Variants in CMIP observed in about 807,000 individuals in gnomAD.
CMIP encodes the protein c-Maf inducing protein.
In CMIP, 13 loss-of-function variants were observed where a neutral mutation model predicts 97.3. The observed-to-expected ratio is 0.13, with a 90% CI of 0.09 to 0.21. The LOEUF is 0.21. Ranked by LOEUF, CMIP falls within the 10% of genes least tolerant of loss-of-function variation. The pLI, the probability that CMIP is intolerant of heterozygous loss-of-function variation, is 1.00. For synonymous variants in CMIP, 538 were observed against 436.3 expected, an observed-to-expected ratio of 1.23 and a Z score of -2.91; for missense variants, 847 against 1,024.9, an observed-to-expected ratio of 0.83 and a Z score of 2.37.
intron 1 of CMIP, among the ~76,000 whole-genome samples, chr16:81,513,012 C>T (rs926892868): frequency 3.9e-5 from 6 of 152,246 alleles, no homozygotes; most frequent in East Asian, 1.9e-4. Context: ...GCTGGGATTA[C>T]AGGCGTGAGC....
intron 5 of CMIP, among the ~76,000 whole-genome samples, chr16:81,658,159 A>G (rs2092506423): frequency 6.6e-6 from 1 of 152,250 alleles, no homozygotes; most frequent in Non-Finnish European, 1.5e-5. Flanking sequence ...TGAAAGGTAA[A>G]CGTTCTCTTT....
chr16:81,570,066 C>A (rs1027805277), intron 1 of CMIP, among the ~76,000 whole-genome samples: 1 of 152,250 alleles, frequency 6.6e-6, no homozygotes, highest in South Asian at 2.1e-4. Context: ...TTTTCCCTCT[C>A]TCCCTTGGAG....
chr16:81,472,503 C>T lies in CMIP; in HGVS notation c.300+26962C>T, dbSNP rs190184759. Among the ~76,000 whole-genome samples the T allele has an allele frequency of 9.2e-5, 14 of 152,330 alleles. No individual in the cohort carries two copies. In the East Asian group the frequency reaches 2.5e-3, roughly 27 times the overall value. On this transcript the variant is annotated intron_variant, in intron 1 of 20. Coordinates refer to ENST00000537098, the MANE Select transcript of CMIP (RefSeq NM_198390.3). ...TGGGTCTTGTAGGCACTGATCACAG[C>T]CACTCACTTGACACCGTTGAGTGTC... is the stretch of plus-strand genomic sequence containing the variant.
intron 1 of CMIP, among the ~76,000 whole-genome samples, chr16:81,503,582 C>T (rs2089651217): frequency 1.3e-5 from 2 of 152,134 alleles, no homozygotes; most frequent in East Asian, 1.9e-4. Flanking sequence ...TTTTTTTGTA[C>T]AGACAGGTCT....
At chr16:81,486,886 C>T (rs2089322483) in intron 1 of CMIP, among the ~76,000 whole-genome samples, 1 of 152,272 alleles carries the variant, frequency 6.6e-6, no homozygotes, top group African/African-American at 2.4e-5. Flanking sequence ...TCAAATCAAA[C>T]TGGAGCTCTG....
chr16:81,656,488 C>G (rs1239478818), intron 4 of CMIP, among the ~76,000 whole-genome samples: 1 of 152,228 alleles, frequency 6.6e-6, no homozygotes, highest in Non-Finnish European at 1.5e-5. Flanking sequence ...GCAGAACACA[C>G]CACGAAACTA....
At chr16:81,644,317 G>A (rs974851267) in intron 3 of CMIP, among the ~76,000 whole-genome samples, 4 of 152,198 alleles carry the variant, frequency 2.6e-5, no homozygotes, top group East Asian at 1.9e-4. Flanking sequence ...CCAAAGCACC[G>A]AGGCTGATTT....
At chr16:81,672,882 T>A (rs888774637) in intron 9 of CMIP, among the ~76,000 whole-genome samples, 1 of 152,260 alleles carries the variant, frequency 6.6e-6, no homozygotes, top group Admixed American at 6.5e-5. Flanking sequence ...CTGTTTTTCT[T>A]GAGCGCCTGC....
chr16:81,647,753 T>C lies in CMIP; in HGVS notation c.478-4450T>C, dbSNP rs183415758. ...GATGAGCTCATCAGAGTTCCTGGGA[T>C]GAGGCATGCTAATTTGTCACCTAGG... On this transcript the variant is annotated intron_variant, in intron 3 of 20. Transcript: ENST00000537098. Among the ~76,000 whole-genome samples, 809 of 152,196 alleles carry C rather than the reference T, an allele frequency of 5.3e-3. 5 individuals are homozygous for C. The highest frequency in any genetic ancestry group is 0.019 in the African/African-American group (774 of 41,530).
At position 81,543,016 on chromosome 16, in the gene CMIP, C is replaced by T. The variant is rs146088442; in HGVS notation, c.301-64551C>T. Among the ~76,000 whole-genome samples, 581 of 152,302 alleles carry T rather than the reference C, an allele frequency of 3.8e-3. 1 individual carries two copies. The highest frequency in any genetic ancestry group is 6.8e-3 in the Non-Finnish European group (462 of 68,008). On this transcript the variant is annotated intron_variant, in intron 1 of 20. Transcript: ENST00000537098. ...TTCTGCCCCAGGCCTAGCGAGAGGC[C>T]GCTTGGGAGCCAGTCCGTTCCACGG...
chr16:81,699,917 G>C (rs968348657), intron 15 of CMIP, 116 bp downstream of exon 15: 1 of 678,004 alleles, frequency 1.5e-6, no homozygotes, highest in African/African-American at 1.8e-5. Flanking sequence ...CAGTGGGTGA[G>C]GCGTGCAGTC....
At chr16:81,585,386 T>G (rs890200284) in intron 1 of CMIP, among the ~76,000 whole-genome samples, 1 of 152,176 alleles carries the variant, frequency 6.6e-6, no homozygotes, top group Non-Finnish European at 1.5e-5. Flanking sequence ...ATTTAGTACA[T>G]TTATAATGTG....
chr16:81,530,710 G>A (rs759100814), intron 1 of CMIP, among the ~76,000 whole-genome samples: 4 of 152,120 alleles, frequency 2.6e-5, no homozygotes, highest in Non-Finnish European at 4.4e-5. Flanking sequence ...CTGTGTCACC[G>A]GGTAGTGGAA....
At chr16:81,645,439 G>A in intron 3 of CMIP, 2 of 1,511,608 alleles carry the variant, frequency 1.3e-6, no homozygotes, top group East Asian at 2.5e-5. Context: ...CGTGCTTCCA[G>A]TGCATTCTGA....
At chr16:81,687,963 T>C (rs915609212) in intron 10 of CMIP, among the ~76,000 whole-genome samples, 4 of 152,256 alleles carry the variant, frequency 2.6e-5, no homozygotes, top group Non-Finnish European at 4.4e-5. Flanking sequence ...CACAGGGTCC[T>C]CTGGGTAGAT....
intron 7 of CMIP, among the ~76,000 whole-genome samples, chr16:81,667,490 G>A (rs2092616835): frequency 6.6e-6 from 1 of 152,096 alleles, no homozygotes; most frequent in Admixed American, 6.5e-5. Flanking sequence ...AGAGGCTGCT[G>A]GATCCCTCTG....
At chr16:81,545,456 A>G (rs1473861840) in intron 1 of CMIP, among the ~76,000 whole-genome samples, 1 of 152,202 alleles carries the variant, frequency 6.6e-6, no homozygotes, top group East Asian at 1.9e-4. Flanking sequence ...CAGTGACAAC[A>G]TCAGTAATAA....
intron 1 of CMIP, among the ~76,000 whole-genome samples, chr16:81,558,546 C>A (rs547679865): frequency 6.6e-6 from 1 of 152,162 alleles, no homozygotes; most frequent in Non-Finnish European, 1.5e-5. Flanking sequence ...CACAGGACAC[C>A]GCAGAGATGA....
chr16:81,484,595 G>T (rs767049200), intron 1 of CMIP, among the ~76,000 whole-genome samples: 13 of 151,926 alleles, frequency 8.6e-5, no homozygotes, highest in Admixed American at 2.0e-4. Context: ...TTTTGTAGTG[G>T]GGTCATTGGG....
Sources: gnomAD v4.1 joint callset for allele counts (sites outside exome capture counted in the v4.1 genomes callset) on GRCh38, gnomAD v4.1.1 for gene constraint, MANE v1.5 for transcripts, NCBI Gene and HGNC (gene_info 2026-07-23, HGNC 2026-07-21) for gene names.